The following PDILT variants were observed in gnomAD, a reference collection of about 807,000 sequenced individuals.
PDILT encodes the protein protein disulfide isomerase like, testis expressed.
Under a neutral mutation model 53.7 loss-of-function variants are expected in PDILT, and 43 were observed. The ratio of observed to expected loss-of-function variants is 0.80; its 90% CI spans 0.63 to 1.03. The LOEUF (loss-of-function observed/expected upper bound fraction) is 1.03. PDILT is among the 50% of genes least tolerant of loss of function. The pLI is 0.00. For missense variants in PDILT, 727 were observed against 712.3 expected (o/e 1.02, Z -0.24); for synonymous variants, 282 against 274.2 (o/e 1.03, Z -0.28).
intron 11 of PDILT, among the ~76,000 whole-genome samples, chr16:20,359,867 T>A (rs1596574672): frequency 6.6e-6 from 1 of 152,210 alleles, no homozygotes; most frequent in Admixed American, 6.5e-5. Context: ...ACTGGACAGG[T>A]GACCAGTCTT....
At chr16:20,402,600 A>T (rs1966758070) in intron 1 of PDILT, among the ~76,000 whole-genome samples, 1 of 152,236 alleles carries the variant, frequency 6.6e-6, no homozygotes, top group African/African-American at 2.4e-5. Flanking sequence ...TGCCTGGCTG[A>T]TATTTTAAAA....
chr16:20,360,212 T>C (rs1028503214), intron 11 of PDILT, among the ~76,000 whole-genome samples: 1 of 152,182 alleles, frequency 6.6e-6, no homozygotes, highest in African/African-American at 2.4e-5. Flanking sequence ...CACTGAGGCA[T>C]GGCTAGGGGA....
chr16:20,403,602 C>T (rs1338038844), intron 1 of PDILT, among the ~76,000 whole-genome samples: 4 of 152,006 alleles, frequency 2.6e-5, no homozygotes, highest in Admixed American at 6.5e-5. Flanking sequence ...GATTTCCTTT[C>T]GACACAGGAA....
chr16:20,393,635 C>T (rs1246798225), intron 2 of PDILT, among the ~76,000 whole-genome samples: 1 of 152,134 alleles, frequency 6.6e-6, no homozygotes, highest in Non-Finnish European at 1.5e-5. Flanking sequence ...TTAAGTGGCA[C>T]CACTCACAGA....
chr16:20,392,021 G>T (rs1190870621), intron 2 of PDILT, among the ~76,000 whole-genome samples: 1 of 151,944 alleles, frequency 6.6e-6, no homozygotes, highest in African/African-American at 2.4e-5. Flanking sequence ...TGGATGCATT[G>T]CAGGACAGCA....
intron 2 of PDILT, among the ~76,000 whole-genome samples, chr16:20,397,372 A>G (rs1966674587): frequency 6.6e-6 from 1 of 152,000 alleles, no homozygotes; most frequent in Non-Finnish European, 1.5e-5. Flanking sequence ...TGAACACTTG[A>G]GCTCAAGAGA....
At chr16:20,360,712 C>A in intron 10 of PDILT, 55 bp from the exon 11 acceptor site, 1 of 1,331,056 alleles carries the variant, frequency 7.5e-7, no homozygotes, top group South Asian at 1.2e-5. Context: ...CAGAGATGCT[C>A]GAGGATTGCT....
chr16:20,393,869 A>T (rs11642568), intron 2 of PDILT, among the ~76,000 whole-genome samples: 23,306 of 152,204 alleles, frequency 0.15, 2,285 homozygotes, highest in African/African-American at 0.28. Flanking sequence ...TGTGGGCCAG[A>T]GCTTCCAGGT....
At chr16:20,389,353 T>A (rs959015284) in intron 2 of PDILT, among the ~76,000 whole-genome samples, 16 of 152,212 alleles carry the variant, frequency 1.1e-4, no homozygotes, top group Non-Finnish European at 2.9e-5. Context: ...AGATCCTACG[T>A]CTCAGAGTGA....
chr16:20,390,099 A>G (rs930470968), intron 2 of PDILT, among the ~76,000 whole-genome samples: 1 of 152,150 alleles, frequency 6.6e-6, no homozygotes, highest in Non-Finnish European at 1.5e-5. Flanking sequence ...CATGAAAAAA[A>G]TATTCTGAGA....
At chr16:20,381,654 A>AG (rs1201042869) in intron 3 of PDILT, among the ~76,000 whole-genome samples, 12 of 151,530 alleles carry the variant, frequency 7.9e-5, no homozygotes, top group African/African-American at 2.9e-4. Context: ...AAAAAAAAAA[A>AG]AGAGAAATTG....
intron 3 of PDILT, among the ~76,000 whole-genome samples, chr16:20,376,894 C>T (rs1434262027): frequency 3.3e-5 from 5 of 152,220 alleles, no homozygotes; most frequent in East Asian, 1.9e-4. Flanking sequence ...CACAGGTGAA[C>T]GTGTGTTTTT....
In PDILT at chr16:20,372,042, A is replaced by T. The variant is rs375528929; in HGVS notation, c.918+760T>A. The stretch of plus-strand genomic sequence containing the variant: ...AAAAGAGAAAAAAAACCCTGCCATG[A>T]TTATACTTCCTATAAAGATGAAGAG... On this transcript the variant is annotated intron_variant, in intron 7 of 11. Transcript: ENST00000302451. Among the ~76,000 whole-genome samples the T allele has an allele frequency of 4.6e-5, 7 of 152,172 alleles. No individual in the cohort carries two copies. In the South Asian group the frequency reaches 8.3e-4, roughly 18 times the overall value.
intron 8 of PDILT, among the ~76,000 whole-genome samples, chr16:20,369,195 C>A (rs112922408): frequency 6.6e-5 from 10 of 152,346 alleles, no homozygotes; most frequent in African/African-American, 2.2e-4. Context: ...AGAAGAAGAG[C>A]CTCCTTTCAG....
intron 5 of PDILT, among the ~76,000 whole-genome samples, chr16:20,373,814 C>G (rs1966343640): frequency 6.6e-6 from 1 of 152,198 alleles, no homozygotes; most frequent in Admixed American, 6.5e-5. Context: ...AATCTTCCAC[C>G]ACTTGGCTTT....
intron 1 of PDILT, among the ~76,000 whole-genome samples, chr16:20,399,792 C>A (rs969593989): frequency 6.6e-6 from 1 of 150,590 alleles, no homozygotes; most frequent in African/African-American, 2.4e-5. Context: ...TGCAGTGTAC[C>A]CTGTTTAATT....
At chr16:20,373,147 G>T in intron 5 of PDILT, 25 bp from the exon 6 acceptor site, 1 of 1,577,066 alleles carries the variant, frequency 6.3e-7, no homozygotes, top group South Asian at 1.1e-5. Flanking sequence ...GAAACATATT[G>T]GAGGACAGTA....
intron 7 of PDILT, among the ~76,000 whole-genome samples, chr16:20,370,830 C>T (rs1403570142): frequency 6.6e-6 from 1 of 152,188 alleles, no homozygotes; most frequent in African/African-American, 2.4e-5. Flanking sequence ...TCTGGGCATC[C>T]TCACTGCTAC....
intron 7 of PDILT, among the ~76,000 whole-genome samples, chr16:20,371,285 T>C (rs759384928): frequency 6.6e-6 from 1 of 152,118 alleles, no homozygotes; most frequent in Non-Finnish European, 1.5e-5. Flanking sequence ...AGTGACATGA[T>C]AATAATTTTG....
Sources: gnomAD v4.1 joint callset for allele counts (sites outside exome capture counted in the v4.1 genomes callset) on GRCh38, gnomAD v4.1.1 for gene constraint, MANE v1.5 for transcripts, NCBI Gene and HGNC (gene_info 2026-07-23, HGNC 2026-07-21) for gene names.